ADGRV1: variants seen among roughly 807,000 people sequenced by gnomAD.
The protein encoded by ADGRV1 is G-protein coupled receptor 98.
Under a neutral mutation model 596.2 loss-of-function variants are expected in ADGRV1, and 359 were observed. That is an observed-to-expected ratio of 0.60 (90% CI 0.55 to 0.66). ADGRV1 has a LOEUF of 0.66. Among genes scored for constraint, ADGRV1 ranks in the 30% least tolerant of loss-of-function variants. ADGRV1 has a pLI of 0.00. For synonymous variants in ADGRV1, 2,681 were observed against 2,679.2 expected (o/e 1.00, Z -0.02); for missense variants, 7,274 against 7,575.6 (o/e 0.96, Z 1.48).
intron 2 of ADGRV1, among the ~76,000 whole-genome samples, chr5:90,616,656 C>T (rs1393223937): frequency 6.6e-6 from 1 of 152,090 alleles, no homozygotes; most frequent in Non-Finnish European, 1.5e-5. Context: ...GTGTAATGAT[C>T]AAATTAGGGG....
chr5:91,110,439 C>T (rs140216244), intron 87 of ADGRV1, among the ~76,000 whole-genome samples: 1 of 152,184 alleles, frequency 6.6e-6, no homozygotes, highest in Non-Finnish European at 1.5e-5. Flanking sequence ...TGCAGCCATT[C>T]TGATTGGGCA....
chr5:90,770,795 C>T (rs946505511), intron 59 of ADGRV1, among the ~76,000 whole-genome samples: 1 of 152,138 alleles, frequency 6.6e-6, no homozygotes, highest in African/African-American at 2.4e-5. Flanking sequence ...ATCTTATATT[C>T]CTACTTCCCA....
chr5:90,607,349 T>G (rs2152035753), intron 1 of ADGRV1, among the ~76,000 whole-genome samples: 1 of 152,250 alleles, frequency 6.6e-6, no homozygotes, highest in African/African-American at 2.4e-5. Flanking sequence ...CAGGAGATCC[T>G]TAAAATCATC....
chr5:90,686,034 A>T (rs1745585460), intron 29 of ADGRV1, 39 bp downstream of exon 29: 1 of 1,337,040 alleles, frequency 7.5e-7, no homozygotes, highest in Non-Finnish European at 1.0e-6. Context: ...ATACAGAGGG[A>T]TGTAAGCACA....
At chr5:90,602,988 A>G (rs752343060) in intron 1 of ADGRV1, among the ~76,000 whole-genome samples, 4 of 152,058 alleles carry the variant, frequency 2.6e-5, no homozygotes, top group African/African-American at 9.7e-5. Context: ...TTTCCTTTTT[A>G]TTTTCTAAAC....
At chr5:91,128,690 CA>C (rs1793965524) in intron 87 of ADGRV1, among the ~76,000 whole-genome samples, 1 of 152,142 alleles carries the variant, frequency 6.6e-6, no homozygotes, top group South Asian at 2.1e-4. Context: ...GCATGGGTGG[CA>C]GGGGGAGGGG....
rs554634126 is a variant in ADGRV1 at position 91,078,324 on chromosome 5, G to A, written c.18310+5720G>A. On this transcript the variant is annotated intron_variant, in intron 86 of 89. Transcript: ENST00000405460. ...TTTTAAAATTTCAAATAGAGCAAAG[G>A]AAATGAAATCCAAAGGAAAAAGAGG... 1.0e-3 allele frequency among the ~76,000 whole-genome samples: 159 copies of A among 152,180 alleles called. 1 individual carries two copies. Among genetic ancestry groups the A allele is most frequent in the Non-Finnish European group, 1.7e-3 (115 of 68,008 alleles).
chr5:91,062,953 CTTT>C (rs70973726), intron 85 of ADGRV1, among the ~76,000 whole-genome samples: 9 of 80,834 alleles, frequency 1.1e-4, no homozygotes, highest in African/African-American at 8.8e-5. Flanking sequence ...GTTTCTCAAA[CTTT>C]TTTTTTTTTT....
intron 85 of ADGRV1, among the ~76,000 whole-genome samples, chr5:91,008,991 G>A (rs762269570): frequency 6.6e-6 from 1 of 152,066 alleles, no homozygotes; most frequent in Non-Finnish European, 1.5e-5. Flanking sequence ...TATTTGTAGT[G>A]GAGGAGGAAC....
chr5:91,086,386 G>A (rs775277586), intron 86 of ADGRV1, among the ~76,000 whole-genome samples: 1 of 152,216 alleles, frequency 6.6e-6, no homozygotes, highest in East Asian at 1.9e-4. Context: ...TCTGATCTCA[G>A]TGTTATTCTT....
chr5:90,820,354 T>C (rs1581225817), intron 75 of ADGRV1, among the ~76,000 whole-genome samples: 1 of 146,772 alleles, frequency 6.8e-6, no homozygotes, highest in South Asian at 2.3e-4. Context: ...CACTGATGGG[T>C]CTTGACTCTT....
In ADGRV1 at chr5:90,652,557, A is replaced by G; in HGVS notation, c.3628A>G (p.Ile1210Val). 1 of 1,588,350 alleles carries G rather than the reference A, an allele frequency of 6.3e-7. No individual in the cohort carries two copies. Among genetic ancestry groups the G allele is most frequent in the Non-Finnish European group, 8.6e-7 (1 of 1,159,434 alleles). The change falls in exon 19 of 90, where the codon ATT becomes GTT. Residue 1210 changes from isoleucine to valine, a missense_variant. Around this residue, in one of 5 missense-constraint regions of ADGRV1, gnomAD observed 1,715 missense variants for 1,708.8 expected, o/e 1.00. Coordinates refer to ENST00000405460, the MANE Select transcript of ADGRV1 (RefSeq NM_032119.4). ...ATTTTATTTCCTAAAACTTGTAAAC[A>G]TTTCAGGTACTGTGTTTTTCCATGT... is the stretch of plus-strand genomic sequence containing the variant. ...NEFYFLKLVN[I>V]SGGSPGPGGQ...
intron 85 of ADGRV1, among the ~76,000 whole-genome samples, chr5:90,991,059 C>T (rs1399029470): frequency 6.6e-6 from 1 of 152,050 alleles, no homozygotes; most frequent in Non-Finnish European, 1.5e-5. Flanking sequence ...TATCTGGAAC[C>T]CCAGTTATGT....
Position 90,658,021 on chromosome 5 carries a change from C to G in ADGRV1, c.4495C>G (p.His1499Asp). 1 of 1,613,948 alleles carries G rather than the reference C, an allele frequency of 6.2e-7. No individual in the cohort carries two copies. The highest frequency in any genetic ancestry group is 8.5e-7 in the Non-Finnish European group (1 of 1,179,864). ...GACGCTTGAAGAAATTTATGAACTTCATGCCATGCCCGCAAAAAGTGATTT... is the reference window on the plus strand; with the variant it reads ...GACGCTTGAAGAAATTTATGAACTTGATGCCATGCCCGCAAAAAGTGATTT... ...KLTLEEIYEL[H>D]AMPAKSDLHP... The change falls in exon 21 of 90, where the codon CAT becomes GAT. Residue 1499 changes from histidine (H) to aspartate (D), a missense_variant. Transcript: ENST00000405460.
At chr5:91,077,112 C>G (rs1009445648) in intron 86 of ADGRV1, among the ~76,000 whole-genome samples, 3 of 152,090 alleles carry the variant, frequency 2.0e-5, no homozygotes, top group African/African-American at 7.2e-5. Flanking sequence ...TGCCTTCTGC[C>G]TTACTGTATA....
At chr5:91,070,108 G>T (rs1788254151) in intron 85 of ADGRV1, among the ~76,000 whole-genome samples, 1 of 152,138 alleles carries the variant, frequency 6.6e-6, no homozygotes, top group East Asian at 1.9e-4. Flanking sequence ...CTGATAGATG[G>T]GAAAGGGATG....
Position 90,685,927 on chromosome 5 carries a change from C to G in ADGRV1, c.6422C>G (p.Thr2141Ser), listed in dbSNP as rs1159757433. 6.2e-7 allele frequency: 1 copy of G among 1,609,996 alleles called. No homozygotes were observed. The highest frequency in any genetic ancestry group is 1.1e-5 in the South Asian group (1 of 90,424). The change falls in exon 29 of 90, where the codon ACT becomes AGT. Residue 2141 changes from threonine to serine, a missense_variant. Transcript: ENST00000405460. ...ENHVGPIINV[T>S]RTGGAFADVS... ...CATGTTGGACCCATTATCAATGTGA[C>G]TAGAACAGGAGGAGCATTTGCAGAT...
rs773663834 is a variant in ADGRV1, at chr5:90,783,896, G to C, written c.13492G>C (p.Gly4498Arg). ...TGGAGCTACTGGAGGAGCGGTCCTT[G>C]GGCGCCACCTAGTGAGCAGAATCAT... ...LTGATGGAVLGRHLVSRIIIA... is the reference protein window; with the variant it reads ...LTGATGGAVLRRHLVSRIIIA... Residue 4498 changes from glycine to arginine, a missense_variant, in exon 67 of 90, where the codon GGG (glycine) becomes CGG (arginine). Around this residue, in one of 5 missense-constraint regions of ADGRV1, gnomAD observed 3,643 missense variants for 3,809.2 expected, o/e 0.96. Coordinates refer to ENST00000405460, the MANE Select transcript of ADGRV1 (RefSeq NM_032119.4). 5 of 1,612,036 alleles carry C rather than the reference G, an allele frequency of 3.1e-6. No individual in the cohort carries two copies. In the South Asian group the frequency reaches 5.5e-5, roughly 18 times the overall value.
At chr5:91,130,540 A>AAG (rs1794127918) in intron 87 of ADGRV1, among the ~76,000 whole-genome samples, 1 of 151,594 alleles carries the variant, frequency 6.6e-6, no homozygotes. Flanking sequence ...AAAAAAAAAA[A>AAG]AAAGTCTTGA....
Sources: allele counts gnomAD v4.1 joint callset (sites outside exome capture counted in the v4.1 genomes callset), GRCh38; gene constraint gnomAD v4.1.1; regional missense constraint gnomAD v4.1.1; transcripts MANE v1.5; gene names NCBI Gene and HGNC (gene_info 2026-07-23, HGNC 2026-07-21).